VWA8: variants seen among roughly 807,000 people sequenced by gnomAD.
VWA8 encodes the protein von Willebrand factor A domain-containing protein 8.
Under a neutral mutation model 241.5 loss-of-function variants are expected in VWA8, and 221 were observed. That is an observed-to-expected ratio of 0.91 (90% CI 0.82 to 1.02). The LOEUF (loss-of-function observed/expected upper bound fraction) is 1.02. Ranked by LOEUF, VWA8 falls within the 50% of genes least tolerant of loss-of-function variation. VWA8 has a pLI of 0.00. For missense variants in VWA8, 2,322 were observed against 2,328.7 expected (o/e 1.00, Z 0.06); for synonymous variants, 852 against 827.1 (o/e 1.03, Z -0.52).
At chr13:41,805,629 C>T (rs1447523335) in intron 17 of VWA8, among the ~76,000 whole-genome samples, 3 of 151,942 alleles carry the variant, frequency 2.0e-5, no homozygotes, top group Non-Finnish European at 2.9e-5. Context: ...GTCTGACCAA[C>T]ATGGAGAAAC....
At chr13:41,879,556 C>T (rs879661602) in intron 9 of VWA8, among the ~76,000 whole-genome samples, 5 of 151,832 alleles carry the variant, frequency 3.3e-5, no homozygotes, top group African/African-American at 9.7e-5. Flanking sequence ...CTACACCTCT[C>T]TTCTCATTAT....
intron 38 of VWA8, among the ~76,000 whole-genome samples, chr13:41,614,341 G>A (rs1236699689): frequency 6.6e-6 from 1 of 152,172 alleles, no homozygotes; most frequent in African/African-American, 2.4e-5. Context: ...CCCTATTCCT[G>A]TGGACTCGCA....
rs1324238039 is a variant in VWA8 at position 41,811,226 on chromosome 13, T to G, written c.2062A>C (p.Arg688=). 6.2e-7 allele frequency: 1 copy of G among 1,601,756 alleles called. No homozygotes were observed. The change falls in exon 17 of 45, where the codon AGG becomes CGG. Residue 688 remains arginine (R), a splice_region_variant and synonymous_variant. Coordinates refer to ENST00000379310, the MANE Select transcript of VWA8 (RefSeq NM_015058.2). ...HSAVTKACLS[R]FLPSLARSAL... ...CGCAGTGAGAAAGAATATGTTTACC[T>G]GGAAAGGCAGGCTTTAGTAACAGCA...
At chr13:41,671,386 T>TA (rs999961761) in intron 36 of VWA8, among the ~76,000 whole-genome samples, 13 of 150,918 alleles carry the variant, frequency 8.6e-5, no homozygotes, top group Non-Finnish European at 1.2e-4. Context: ...ATCATGAATA[T>TA]AAAAAAAAAC....
chr13:41,794,974 T>G (rs564203043), intron 17 of VWA8, among the ~76,000 whole-genome samples: 2 of 151,984 alleles, frequency 1.3e-5, no homozygotes, highest in Non-Finnish European at 2.9e-5. Context: ...ACTAAAGAGC[T>G]TCTGCACAGC....
intron 37 of VWA8, among the ~76,000 whole-genome samples, chr13:41,652,515 G>A (rs1230750784): frequency 6.6e-6 from 1 of 152,156 alleles, no homozygotes; most frequent in African/African-American, 2.4e-5. Context: ...TCACTACAAT[G>A]GAGAAGTTCT....
chr13:41,937,933 G>A (rs2138148462), intron 2 of VWA8, among the ~76,000 whole-genome samples: 1 of 152,230 alleles, frequency 6.6e-6, no homozygotes, highest in East Asian at 1.9e-4. Flanking sequence ...CAACGAGGTG[G>A]GCAGATCACC....
chr13:41,648,755 CG>C (rs1425143601), intron 37 of VWA8, among the ~76,000 whole-genome samples: 1 of 152,208 alleles, frequency 6.6e-6, no homozygotes, highest in African/African-American at 2.4e-5. Flanking sequence ...CATAGAAGCA[CG>C]GTACTGCTAA....
chr13:41,813,849 T>A, intron 16 of VWA8, among the ~76,000 whole-genome samples: 1 of 152,104 alleles, frequency 6.6e-6, no homozygotes, highest in East Asian at 1.9e-4. Flanking sequence ...ATTTAACATT[T>A]ATATCAAATT....
At chr13:41,790,186 C>A (rs1869391527) in intron 17 of VWA8, among the ~76,000 whole-genome samples, 1 of 151,992 alleles carries the variant, frequency 6.6e-6, no homozygotes, top group Non-Finnish European at 1.5e-5. Flanking sequence ...AAACTGAATG[C>A]CAGCTTCTAA....
At chr13:41,746,508 C>T (rs2045608008) in intron 21 of VWA8, among the ~76,000 whole-genome samples, 2 of 152,068 alleles carry the variant, frequency 1.3e-5, no homozygotes, top group Non-Finnish European at 2.9e-5. Flanking sequence ...GGTGGGTACA[C>T]TGAAAGAAAG....
intron 21 of VWA8, among the ~76,000 whole-genome samples, chr13:41,743,251 G>C (rs1359881839): frequency 6.6e-6 from 1 of 152,214 alleles, no homozygotes; most frequent in African/African-American, 2.4e-5. Context: ...GGAAAGGAGA[G>C]ATCAGAGGCT....
intron 41 of VWA8, 86 bp from the exon 42 acceptor site, chr13:41,587,756 C>T (rs1593633681): frequency 7.9e-6 from 12 of 1,528,446 alleles, no homozygotes; most frequent in East Asian, 4.6e-5. Flanking sequence ...GAAGCTCCAG[C>T]GTGCCAGCCC....
intron 9 of VWA8, among the ~76,000 whole-genome samples, chr13:41,879,667 G>T (rs1460147475): frequency 7.0e-6 from 1 of 142,056 alleles, no homozygotes; most frequent in African/African-American, 2.6e-5. Flanking sequence ...TAACTGCTCT[G>T]AAAAAAAAAA....
rs141950478 is a variant in VWA8, at chr13:41,875,514, G to C, written c.1081-7037C>G. On this transcript the variant is annotated intron_variant, in intron 9 of 44. Coordinates refer to ENST00000379310, the MANE Select transcript of VWA8 (RefSeq NM_015058.2). ...ATACATATGAATTATAATCACTGGGGGTTCAGCTTCATCTCCAATTTAAAA... is the reference window on the plus strand; with the variant it reads ...ATACATATGAATTATAATCACTGGGCGTTCAGCTTCATCTCCAATTTAAAA... Among the ~76,000 whole-genome samples, 64 of 151,992 alleles carry C rather than the reference G, an allele frequency of 4.2e-4. No homozygotes were observed. In the South Asian group the frequency reaches 6.7e-3, roughly 16 times the overall value.
chr13:41,624,784 T>C (rs2044678693), intron 37 of VWA8, among the ~76,000 whole-genome samples: 1 of 151,600 alleles, frequency 6.6e-6, no homozygotes, highest in Non-Finnish European at 1.5e-5. Context: ...TGCCCTCTCA[T>C]TACTCCCATT....
At chr13:41,943,833 T>C (rs1593887443) in intron 2 of VWA8, among the ~76,000 whole-genome samples, 1 of 152,186 alleles carries the variant, frequency 6.6e-6, no homozygotes, top group Admixed American at 6.5e-5. Flanking sequence ...CTGGGTGCAG[T>C]GGCTCATGCC....
intron 4 of VWA8, among the ~76,000 whole-genome samples, chr13:41,899,842 T>A (rs753022232): frequency 1.3e-5 from 2 of 152,196 alleles, no homozygotes; most frequent in Non-Finnish European, 2.9e-5. Flanking sequence ...TTCTGCCCAA[T>A]AGAGGCCCAA....
chr13:41,859,987 T>C (rs553475494), intron 12 of VWA8, among the ~76,000 whole-genome samples: 115 of 152,346 alleles, frequency 7.5e-4, no homozygotes, highest in African/African-American at 2.6e-3. Flanking sequence ...ATGTGCACTA[T>C]ATTATTATAC....
Sources: gnomAD v4.1 joint callset for allele counts (sites outside exome capture counted in the v4.1 genomes callset) on GRCh38, gnomAD v4.1.1 for gene constraint, MANE v1.5 for transcripts, NCBI Gene and HGNC (gene_info 2026-07-23, HGNC 2026-07-21) for gene names.